The following PPP3CA variants were observed in gnomAD, a reference collection of about 807,000 sequenced individuals.
The protein encoded by PPP3CA is protein phosphatase 3 catalytic subunit alpha, also known as CAM-PRP catalytic subunit.
Under a neutral mutation model 66.5 loss-of-function variants are expected in PPP3CA, and 14 were observed. The ratio of observed to expected loss-of-function variants is 0.21; its 90% CI spans 0.14 to 0.33. PPP3CA has a LOEUF of 0.33. PPP3CA is among the 10% of genes least tolerant of loss of function. PPP3CA has a pLI of 1.00. For synonymous variants in PPP3CA, 232 were observed against 226.2 expected, an observed-to-expected ratio of 1.03 and a Z score of -0.23; for missense variants, 317 against 639.5, an observed-to-expected ratio of 0.50 and a Z score of 5.44.
intron 6 of PPP3CA, among the ~76,000 whole-genome samples, chr4:101,086,949 C>T (rs1258850538): frequency 1.3e-5 from 2 of 152,204 alleles, no homozygotes; most frequent in African/African-American, 2.4e-5. Flanking sequence ...TCTTTCCCTC[C>T]TCCCTCAGTG....
intron 10 of PPP3CA, among the ~76,000 whole-genome samples, chr4:101,043,182 G>C (rs1727605717): frequency 1.3e-5 from 2 of 152,080 alleles, no homozygotes; most frequent in South Asian, 4.1e-4. Flanking sequence ...TAAGTGAGGT[G>C]AGAGGAGGAA....
rs545505965 is a variant in PPP3CA at position 101,176,656 on chromosome 4, T to C, written c.259+19260A>G. ...AAAGTCAAGAATTTAGCAACAGAGA[T>C]TTGTATGACCAATTATCAGACATAT... On this transcript the variant is annotated intron_variant, in intron 2 of 13. Coordinates refer to ENST00000394854, the MANE Select transcript of PPP3CA (RefSeq NM_000944.5). 1.4e-4 allele frequency among the ~76,000 whole-genome samples: 21 copies of C among 152,192 alleles called. No individual in the cohort carries two copies. In the South Asian group the frequency reaches 3.1e-3, roughly 23 times the overall value.
At position 101,151,626 on chromosome 4, in the gene PPP3CA, C is replaced by G. The variant is rs139055610; in HGVS notation, c.260-42548G>C. 5.4e-4 allele frequency among the ~76,000 whole-genome samples: 79 copies of G among 146,392 alleles called. 1 individual carries two copies. Among genetic ancestry groups the G allele is most frequent in the African/African-American group, 2.0e-3 (79 of 40,044 alleles). On this transcript the variant is annotated intron_variant, in intron 2 of 13. Coordinates refer to ENST00000394854, the MANE Select transcript of PPP3CA (RefSeq NM_000944.5). ...ACAAAGGAAAAGATAAAGAATATTC[C>G]CAAAATTTAGCTAAGCCAAGGTTTC...
At chr4:101,173,268 A>G (rs1398330553) in intron 2 of PPP3CA, among the ~76,000 whole-genome samples, 2 of 152,062 alleles carry the variant, frequency 1.3e-5, no homozygotes, top group African/African-American at 4.8e-5. Context: ...TGAGGAATAG[A>G]TGGATGTGTG....
Position 101,311,239 on chromosome 4 carries a change from G to A in PPP3CA, c.58+35500C>T, listed in dbSNP as rs920199747. ...ATTTTTCTCTTCTCTGTTTTAGGAG[G>A]AAGAGAATTAAAATTTGTTTGGTGC... On this transcript the variant is annotated intron_variant, in intron 1 of 13. Coordinates refer to ENST00000394854, the MANE Select transcript of PPP3CA (RefSeq NM_000944.5). 2.6e-5 allele frequency among the ~76,000 whole-genome samples: 4 copies of A among 152,102 alleles called. No homozygotes were observed. In the South Asian group the frequency reaches 8.3e-4, roughly 32 times the overall value.
At chr4:101,214,894 T>G (rs188369521) in intron 1 of PPP3CA, among the ~76,000 whole-genome samples, 1 of 152,262 alleles carries the variant, frequency 6.6e-6, no homozygotes, top group East Asian at 1.9e-4. Context: ...TCAATTTTCC[T>G]CCTAGACATT....
intron 1 of PPP3CA, among the ~76,000 whole-genome samples, chr4:101,284,701 G>A (rs754445340): frequency 2.6e-4 from 39 of 150,808 alleles, no homozygotes; most frequent in African/African-American, 8.8e-4. Context: ...TGCATTTCCC[G>A]TGGTTACCAT....
At chr4:101,078,869 G>T (rs1209172867) in intron 8 of PPP3CA, among the ~76,000 whole-genome samples, 1 of 152,144 alleles carries the variant, frequency 6.6e-6, no homozygotes, top group African/African-American at 2.4e-5. Flanking sequence ...CACGTGGCAA[G>T]CAGAGAACAT....
At chr4:101,307,388 A>G (rs985439505) in intron 1 of PPP3CA, among the ~76,000 whole-genome samples, 2 of 152,156 alleles carry the variant, frequency 1.3e-5, no homozygotes, top group Admixed American at 1.3e-4. Context: ...TTTACCTTCG[A>G]AACAATTCTG....
intron 3 of PPP3CA, among the ~76,000 whole-genome samples, chr4:101,107,540 C>T (rs1730805932): frequency 6.6e-6 from 1 of 152,194 alleles, no homozygotes; most frequent in Non-Finnish European, 1.5e-5. Context: ...TCCTTCTTCC[C>T]TCATCATCAC....
chr4:101,328,395 AAG>A (rs1330484215), intron 1 of PPP3CA, among the ~76,000 whole-genome samples: 29 of 152,354 alleles, frequency 1.9e-4, no homozygotes, highest in African/African-American at 7.0e-4. Context: ...GAATAGTTAA[AAG>A]TAGTAAATGA....
chr4:101,072,195 G>T (rs2732519), intron 8 of PPP3CA, among the ~76,000 whole-genome samples: 38,245 of 152,148 alleles, frequency 0.25, 6,438 homozygotes, highest in East Asian at 0.85. Flanking sequence ...AATAATGCAT[G>T]TATTTGGATG....
At chr4:101,282,985 TAA>T (rs527703997) in intron 1 of PPP3CA, among the ~76,000 whole-genome samples, 56 of 152,368 alleles carry the variant, frequency 3.7e-4, no homozygotes, top group African/African-American at 1.2e-3. Context: ...TATTAAATAA[TAA>T]GAGTTAATTT....
intron 2 of PPP3CA, among the ~76,000 whole-genome samples, chr4:101,110,822 A>C (rs1721644966): frequency 2.0e-5 from 3 of 152,192 alleles, no homozygotes; most frequent in African/African-American, 7.2e-5. Context: ...GGATGGTCCA[A>C]GCATTGCCAG....
chr4:101,172,703 G>A (rs1723924857), intron 2 of PPP3CA, among the ~76,000 whole-genome samples: 1 of 151,982 alleles, frequency 6.6e-6, no homozygotes, highest in Non-Finnish European at 1.5e-5. Flanking sequence ...CTAATGCAGA[G>A]GGAAGCTGAA....
chr4:101,271,797 A>G (rs982574829), intron 1 of PPP3CA, among the ~76,000 whole-genome samples: 5 of 152,014 alleles, frequency 3.3e-5, no homozygotes, highest in African/African-American at 1.2e-4. Flanking sequence ...GATAAACCAC[A>G]AACAAGGGTA....
chr4:101,346,729 C>G lies in PPP3CA; in HGVS notation c.58+10G>C. ...ACGGTGCACCCAGGCCACCGCGGCG[C>G]TCCGCTTACCTTTCACCACCCTGTC... On this transcript the variant is annotated intron_variant, in intron 1 of 13. Coordinates refer to ENST00000394854, the MANE Select transcript of PPP3CA (RefSeq NM_000944.5). The G allele has an allele frequency of 6.2e-7, 1 of 1,609,802 alleles. No individual in the cohort carries two copies. The highest frequency in any genetic ancestry group is 8.5e-7 in the Non-Finnish European group (1 of 1,178,484).
At chr4:101,192,099 A>G (rs1560650226) in intron 2 of PPP3CA, among the ~76,000 whole-genome samples, 1 of 152,220 alleles carries the variant, frequency 6.6e-6, no homozygotes, top group Non-Finnish European at 1.5e-5. Context: ...GGAAAATATG[A>G]GAACTTCAGG....
At chr4:101,142,879 G>A (rs1313551885) in intron 2 of PPP3CA, among the ~76,000 whole-genome samples, 1 of 152,188 alleles carries the variant, frequency 6.6e-6, no homozygotes, top group African/African-American at 2.4e-5. Context: ...TTAATGATCA[G>A]GGAGGCAACA....
Sources: gnomAD v4.1 joint callset for allele counts (sites outside exome capture counted in the v4.1 genomes callset) on GRCh38, gnomAD v4.1.1 for gene constraint, MANE v1.5 for transcripts, NCBI Gene and HGNC (gene_info 2026-07-23, HGNC 2026-07-21) for gene names.